ADAM12: variants seen among roughly 807,000 people sequenced by gnomAD.
The protein encoded by ADAM12 is disintegrin and metalloproteinase domain-containing protein 12.
ADAM12 carries 70 observed loss-of-function variants against 106.4 expected under a neutral mutation model. The ratio of observed to expected loss-of-function variants is 0.66; its 90% CI spans 0.54 to 0.80. ADAM12 has a LOEUF of 0.80. Ranked by LOEUF, ADAM12 falls within the 30% of genes least tolerant of loss-of-function variation. The pLI is 0.00. For synonymous variants in ADAM12, 420 were observed against 433.5 expected, an observed-to-expected ratio of 0.97 and a Z score of 0.39; for missense variants, 1,010 against 1,171.9, an observed-to-expected ratio of 0.86 and a Z score of 2.02.
chr10:126,310,043 C>T (rs1006641297), intron 2 of ADAM12, among the ~76,000 whole-genome samples: 6 of 151,882 alleles, frequency 4.0e-5, no homozygotes, highest in East Asian at 3.9e-4. Context: ...CCTGTAATCC[C>T]AGCTGCTCAG....
intron 2 of ADAM12, among the ~76,000 whole-genome samples, chr10:126,301,044 G>C (rs567120728): frequency 1.3e-5 from 2 of 152,326 alleles, no homozygotes; most frequent in South Asian, 2.1e-4. Context: ...GCAATGTCTA[G>C]GGACATTTTT....
Position 126,057,401 on chromosome 10 carries a change from A to T in ADAM12, c.1609+7405T>A, listed in dbSNP as rs1490721321. On this transcript the variant is annotated intron_variant, in intron 14 of 22. Transcript: ENST00000448723. Reference sequence around the variant, plus strand: ...TTAAAAAACAAAAAAACAAAAAAACAAAAAAAAAAAACAATGCTTACTCTT... The same window carrying T: ...TTAAAAAACAAAAAAACAAAAAAACTAAAAAAAAAAACAATGCTTACTCTT... Among the ~76,000 whole-genome samples the T allele has an allele frequency of 1.4e-4, 4 of 27,668 alleles. 1 individual carries two copies. The highest frequency in any genetic ancestry group is 3.2e-4 in the Non-Finnish European group (4 of 12,508). The allele number at this position is 27,668 out of a possible 152,430, so 18.2% of individuals were successfully genotyped here.
In ADAM12 at chr10:126,038,256, A is replaced by T. The variant is rs1374239654; in HGVS notation, c.2334T>A (p.Asp778Glu). Residue 778 changes from aspartate (D) to glutamate (E), a missense_variant, in exon 20 of 23, where the codon GAT (aspartate) becomes GAA (glutamate). Asp to Glu is a conservative substitution (Grantham distance 45). Coordinates refer to ENST00000448723, the MANE Select transcript of ADAM12 (RefSeq NM_001288973.2). ...CAAGACTCACCTTCGGTGGGTAGGA[A>T]TCTGGCGGCTTCCTCATCAGGCCTT... ...LGKGLMRKPP[D>E]SYPPKDNPRR... 2 of 1,610,584 alleles carry T rather than the reference A, an allele frequency of 1.2e-6. No individual in the cohort carries two copies. Among genetic ancestry groups the T allele is most frequent in the Non-Finnish European group, 1.7e-6 (2 of 1,178,772 alleles).
intron 3 of ADAM12, among the ~76,000 whole-genome samples, chr10:126,263,492 TAAAGC>T (rs1252942535): frequency 1.3e-5 from 2 of 151,894 alleles, no homozygotes; most frequent in Non-Finnish European, 2.9e-5. Context: ...TTGTTTTAAG[TAAAGC>T]AGTAACAGGC....
intron 3 of ADAM12, among the ~76,000 whole-genome samples, chr10:126,159,114 T>C (rs61734784): frequency 0.15 from 23,235 of 151,840 alleles, 2,369 homozygotes; most frequent in South Asian, 0.38. Context: ...TCGAGACCAT[T>C]CTGGCTAATA....
intron 2 of ADAM12, among the ~76,000 whole-genome samples, chr10:126,313,690 T>C (rs1351964657): frequency 2.0e-5 from 3 of 152,106 alleles, no homozygotes; most frequent in Non-Finnish European, 4.4e-5. Flanking sequence ...TGCCCTTCTA[T>C]CCACCTACAC....
At chr10:126,253,387 T>G (rs1428524465) in intron 3 of ADAM12, among the ~76,000 whole-genome samples, 1 of 152,266 alleles carries the variant, frequency 6.6e-6, no homozygotes, top group Non-Finnish European at 1.5e-5. Flanking sequence ...TGACTCATGA[T>G]GAGGAGTCGT....
chr10:126,303,159 T>C lies in ADAM12; in HGVS notation c.187-24171A>G, dbSNP rs116877572. ...TAAAGTACAATGTGATCCATTGCTG[T>C]TTTGGGAAGCATCGATATTCCTTTT... On this transcript the variant is annotated intron_variant, in intron 2 of 22. Transcript: ENST00000448723. Among the ~76,000 whole-genome samples the C allele has an allele frequency of 7.7e-4, 118 of 152,320 alleles. 2 individuals are homozygous for C. In the East Asian group the frequency reaches 0.02, roughly 26 times the overall value.
rs1028498159 is a variant in ADAM12 at position 126,204,087 on chromosome 10, C to A, written c.261-48782G>T. Among the ~76,000 whole-genome samples the A allele has an allele frequency of 4.6e-5, 7 of 152,320 alleles. No homozygotes were observed. The East Asian group carries it at 1.2e-3, about 25-fold the overall frequency. On this transcript the variant is annotated intron_variant, in intron 3 of 22. Coordinates refer to ENST00000448723, the MANE Select transcript of ADAM12 (RefSeq NM_001288973.2). Reference sequence around the variant, plus strand: ...CTGCCAGTGGCGAATGCTTTGGCTGCTGAACCCCCAGCTCCTATCTCCAGC... The same window carrying A: ...CTGCCAGTGGCGAATGCTTTGGCTGATGAACCCCCAGCTCCTATCTCCAGC...
chr10:126,219,125 A>AAGATCGGAAGAG (rs1958042911), intron 3 of ADAM12, among the ~76,000 whole-genome samples: 1 of 152,112 alleles, frequency 6.6e-6, no homozygotes, highest in Non-Finnish European at 1.5e-5. Flanking sequence ...TAGTTGTACA[A>AAGATCGGAAGAG]CTCTCATGGC....
intron 1 of ADAM12, among the ~76,000 whole-genome samples, chr10:126,345,821 A>G (rs931124125): frequency 6.6e-6 from 1 of 152,132 alleles, no homozygotes; most frequent in Non-Finnish European, 1.5e-5. Flanking sequence ...AGAGGTGTTT[A>G]TAGTATTCTC....
intron 2 of ADAM12, among the ~76,000 whole-genome samples, chr10:126,298,672 A>C (rs539457509): frequency 6.6e-6 from 1 of 152,146 alleles, no homozygotes; most frequent in Non-Finnish European, 1.5e-5. Flanking sequence ...CTTTTATAAA[A>C]AAAATCACGA....
intron 3 of ADAM12, among the ~76,000 whole-genome samples, chr10:126,224,727 C>T (rs1958159073): frequency 1.3e-5 from 2 of 152,220 alleles, no homozygotes; most frequent in African/African-American, 4.8e-5. Context: ...CCCTGGACTG[C>T]CAAAGAGCCA....
intron 4 of ADAM12, among the ~76,000 whole-genome samples, chr10:126,143,303 G>T (rs1192812471): frequency 6.5e-5 from 9 of 138,786 alleles, no homozygotes; most frequent in Admixed American, 2.2e-4. Context: ...TGTGCATGTG[G>T]GTGTGCATGT....
At chr10:126,028,763 C>T (rs550837345) in intron 21 of ADAM12, among the ~76,000 whole-genome samples, 8 of 152,018 alleles carry the variant, frequency 5.3e-5, no homozygotes, top group African/African-American at 1.9e-4. Context: ...TTCATGACAA[C>T]ATCAAGAGCA....
intron 18 of ADAM12, 94 bp downstream of exon 18, chr10:126,042,946 G>A: frequency 6.3e-6 from 8 of 1,264,422 alleles, no homozygotes; most frequent in South Asian, 1.4e-5. Context: ...TGGGTTTCTT[G>A]TTGGCTCTAC....
At chr10:126,360,858 C>T (rs958688279) in intron 1 of ADAM12, among the ~76,000 whole-genome samples, 2 of 152,098 alleles carry the variant, frequency 1.3e-5, no homozygotes, top group Non-Finnish European at 2.9e-5. Context: ...AAAGACATAC[C>T]CAAGACTAGA....
chr10:126,315,711 C>A (rs561051778), intron 2 of ADAM12, among the ~76,000 whole-genome samples: 1 of 152,222 alleles, frequency 6.6e-6, no homozygotes, highest in East Asian at 1.9e-4. Context: ...TTCTGGAGAT[C>A]AACCTCACAA....
rs187248941 is a variant in ADAM12, at chr10:126,315,857, A to C, written c.186+14555T>G. On this transcript the variant is annotated intron_variant, in intron 2 of 22. Coordinates refer to ENST00000448723, the MANE Select transcript of ADAM12 (RefSeq NM_001288973.2). ...CCACTCTCAATGCTCTTTATAAGCA[A>C]AGACACAGACATGGGCAGCTAGTGT... is the stretch of plus-strand genomic sequence containing the variant. Among the ~76,000 whole-genome samples, 4 of 152,342 alleles carry C rather than the reference A, an allele frequency of 2.6e-5. No individual in the cohort carries two copies. The East Asian group carries it at 7.7e-4, about 29-fold the overall frequency.
Sources: gnomAD v4.1 joint callset for allele counts (sites outside exome capture counted in the v4.1 genomes callset) on GRCh38, gnomAD v4.1.1 for gene constraint, MANE v1.5 for transcripts, NCBI Gene and HGNC (gene_info 2026-07-23, HGNC 2026-07-21) for gene names.